The following GTF3C3 variants were observed in gnomAD, a reference collection of about 807,000 sequenced individuals.
The protein encoded by GTF3C3 is general transcription factor IIIC subunit 3.
GTF3C3 carries 75 observed loss-of-function variants against 105.2 expected under a neutral mutation model. The ratio of observed to expected loss-of-function variants is 0.71; its 90% CI spans 0.59 to 0.86. The LOEUF is 0.86. GTF3C3 is among the 40% of genes least tolerant of loss of function. The pLI is 0.00. For missense variants in GTF3C3, 856 were observed against 1,076.5 expected, an observed-to-expected ratio of 0.80 and a Z score of 2.87; for synonymous variants, 335 against 370.4, an observed-to-expected ratio of 0.90 and a Z score of 1.10.
intron 14 of GTF3C3, among the ~76,000 whole-genome samples, chr2:196,772,637 A>ACTT (rs1302338306): frequency 6.6e-6 from 1 of 152,190 alleles, no homozygotes; most frequent in Non-Finnish European, 1.5e-5. Context: ...TAACCCTATG[A>ACTT]GATGGCAGTA....
chr2:196,780,243 C>A, intron 9 of GTF3C3: 1 of 993,628 alleles, frequency 1.0e-6, no homozygotes, highest in Non-Finnish European at 1.2e-6. Flanking sequence ...TATACTTGGT[C>A]CAAAGTCCGC....
At chr2:196,770,379 G>C (rs1699150699) in intron 15 of GTF3C3, among the ~76,000 whole-genome samples, 1 of 152,146 alleles carries the variant, frequency 6.6e-6, no homozygotes, top group African/African-American at 2.4e-5. Context: ...AGTTTGAAAA[G>C]AATGGAGGAG....
rs1699451112 is a variant in GTF3C3, at chr2:196,786,252, C to G, written c.894-664G>C. 1.3e-5 allele frequency among the ~76,000 whole-genome samples: 2 copies of G among 152,130 alleles called. No individual in the cohort carries two copies. The highest frequency in any genetic ancestry group is 1.3e-4 in the Admixed American group (2 of 15,260). On this transcript the variant is annotated intron_variant, in intron 6 of 17. Coordinates refer to ENST00000263956, the MANE Select transcript of GTF3C3 (RefSeq NM_012086.5). The surrounding 1 kb of genome is among the most constrained non-coding windows in gnomAD (Gnocchi z 4.2). ...AAACGCATATTCGGATCCAGTAGAG[C>G]TGGGGCAGGCCTGAGATCCTGCATT...
intron 2 of GTF3C3, among the ~76,000 whole-genome samples, chr2:196,796,803 A>T (rs1407218469): frequency 6.6e-6 from 1 of 152,210 alleles, no homozygotes; most frequent in Non-Finnish European, 1.5e-5. Flanking sequence ...TTTGCTGAGG[A>T]TAACGGCTTC....
At position 196,799,330 on chromosome 2, in the gene GTF3C3, G is replaced by A. The variant is rs1411998263; in HGVS notation, c.102+180C>T. 7 of 551,008 alleles carry A rather than the reference G, an allele frequency of 1.3e-5. No individual in the cohort carries two copies. The African/African-American group carries it at 1.3e-4, about 11-fold the overall frequency. 34.1% of individuals were successfully genotyped at this position (551,008 alleles called of 1,614,324 possible). A position where few individuals can be genotyped will look rare whatever the true frequency, so the allele number is the denominator to read the frequency against. ...CGAAAGCTTTTCGGTGGGGGAAAAC[G>A]TTTTAAGGAGCTTAGCACAGGGATG... On this transcript the variant is annotated intron_variant, in intron 1 of 17. Coordinates refer to ENST00000263956, the MANE Select transcript of GTF3C3 (RefSeq NM_012086.5).
chr2:196,785,212 T>C (rs899666543), intron 7 of GTF3C3, among the ~76,000 whole-genome samples: 3 of 139,536 alleles, frequency 2.1e-5, no homozygotes, highest in Admixed American at 6.8e-5. Flanking sequence ...TGAGTCCTAC[T>C]ACCCTGAAGT....
chr2:196,799,430 A>G, intron 1 of GTF3C3, 80 bp downstream of exon 1: 2 of 1,027,880 alleles, frequency 1.9e-6, no homozygotes, highest in Admixed American at 3.5e-5. Flanking sequence ...ATCACAGTGA[A>G]AGCGGTCGTC....
intron 2 of GTF3C3, among the ~76,000 whole-genome samples, chr2:196,796,669 C>A (rs756039585): frequency 6.6e-6 from 1 of 152,166 alleles, no homozygotes; most frequent in African/African-American, 2.4e-5. Flanking sequence ...TCCCGCAACA[C>A]CCCTAATCCA....
At chr2:196,773,583 G>C (rs547717409) in intron 13 of GTF3C3, 2 of 365,518 alleles carry the variant, frequency 5.5e-6, no homozygotes, top group Admixed American at 5.3e-5. Context: ...GATGGTTTCA[G>C]GATAATTCAA....
At chr2:196,789,502 T>A in intron 5 of GTF3C3, 133 bp from the exon 6 acceptor site, 1 of 615,656 alleles carries the variant, frequency 1.6e-6, no homozygotes, top group Non-Finnish European at 2.8e-6. Flanking sequence ...TCTGAATAAA[T>A]CTATATTCAC....
intron 6 of GTF3C3, among the ~76,000 whole-genome samples, chr2:196,788,025 C>T (rs1699481935): frequency 6.6e-6 from 1 of 152,196 alleles, no homozygotes; most frequent in Non-Finnish European, 1.5e-5. Context: ...TCATAGGCCA[C>T]CTAACATTTC....
chr2:196,775,204 A>C lies in GTF3C3; in HGVS notation c.1743T>G (p.Ser581=), dbSNP rs1400788114. The C allele has an allele frequency of 5.6e-6, 9 of 1,611,780 alleles. No individual in the cohort carries two copies. The Admixed American group carries it at 1.5e-4, about 27-fold the overall frequency. ...AQVCLISSSK[S]GERHLYLIKV... ...TAATAAGATAAAGATGCCTCTCTCC[A>C]GACTTGGAACTGGATATCAAACAAA... is the stretch of plus-strand genomic sequence containing the variant. Residue 581 remains serine (S), a synonymous_variant, in exon 13 of 18, where the codon TCT becomes TCG. Coordinates refer to ENST00000263956, the MANE Select transcript of GTF3C3 (RefSeq NM_012086.5).
chr2:196,776,423 C>T lies in GTF3C3; in HGVS notation c.1593+4G>A. On this transcript the variant is annotated splice_donor_region_variant and intron_variant, in intron 11 of 17. Coordinates refer to ENST00000263956, the MANE Select transcript of GTF3C3 (RefSeq NM_012086.5). The surrounding 1 kb of genome is among the most constrained non-coding windows in gnomAD (Gnocchi z 4.5). ...AAAACTTCCCTCTATGTGACATGGC[C>T]CACCTGCTGTGCAGCATTTGCATCC... 7 of 1,611,016 alleles carry T rather than the reference C, an allele frequency of 4.3e-6. No individual in the cohort carries two copies. The highest frequency in any genetic ancestry group is 1.7e-5 in the Admixed American group (1 of 59,950).
intron 2 of GTF3C3, among the ~76,000 whole-genome samples, chr2:196,797,121 G>A (rs1303950894): frequency 1.3e-5 from 2 of 152,210 alleles, no homozygotes; most frequent in Non-Finnish European, 1.5e-5. Context: ...CTAACTGACA[G>A]TTTAGCATCC....
Position 196,789,948 on chromosome 2 carries a change from A to C in GTF3C3, c.658T>G (p.Trp220Gly), listed in dbSNP as rs767316803. The change falls in exon 5 of 18, where the codon TGG becomes GGG. Residue 220 changes from tryptophan (W) to glycine (G), a missense_variant. Trp to Gly is a radical substitution (Grantham distance 184). This residue lies in a region of GTF3C3 where 605 missense variants were observed against 833.6 expected (regional missense o/e 0.73). Coordinates refer to ENST00000263956, the MANE Select transcript of GTF3C3 (RefSeq NM_012086.5). ...AGAGACATTTCTGCCAGTCTAACCC[A>C]TTCTTCTGTGTCACTGGGATTTAAA... is the stretch of plus-strand genomic sequence containing the variant. ...AHLNPSDTEE[W>G]VRLAEMSLEQ... The C allele has an allele frequency of 1.2e-6, 2 of 1,613,550 alleles. No homozygotes were observed. Among genetic ancestry groups the C allele is most frequent in the Non-Finnish European group, 1.7e-6 (2 of 1,179,630 alleles).
At chr2:196,780,698 G>T in intron 8 of GTF3C3, 36 bp from the exon 9 acceptor site, 1 of 1,593,732 alleles carries the variant, frequency 6.3e-7, no homozygotes, top group Non-Finnish European at 8.6e-7. Context: ...GTTACTATAT[G>T]CAAGCTTGAG....
intron 9 of GTF3C3, 97 bp from the exon 10 acceptor site, chr2:196,779,164 G>A: frequency 1.1e-6 from 1 of 942,270 alleles, no homozygotes; most frequent in Non-Finnish European, 1.6e-6. Context: ...GTCTCTCCCT[G>A]TCACCCACGC....
rs1699033065 is a variant in GTF3C3, at chr2:196,764,818, T to A, written c.2539-133A>T. 6 of 621,120 alleles carry A rather than the reference T, an allele frequency of 9.7e-6. No homozygotes were observed. The South Asian group carries it at 1.1e-4, about 11-fold the overall frequency. The allele number at this position is 621,120 out of a possible 1,614,324, so 38.5% of individuals were successfully genotyped here. On this transcript the variant is annotated intron_variant, in intron 17 of 17. Coordinates refer to ENST00000263956, the MANE Select transcript of GTF3C3 (RefSeq NM_012086.5). ...TAAAGCTCATGTACTAAAAAAAAATTATAAAACTATGCATATACCTTGGAT... is the reference window on the plus strand; with the variant it reads ...TAAAGCTCATGTACTAAAAAAAAATAATAAAACTATGCATATACCTTGGAT...
chr2:196,766,620 T>C lies in GTF3C3; in HGVS notation c.2483A>G (p.His828Arg). 6.2e-7 allele frequency: 1 copy of C among 1,613,202 alleles called. No homozygotes were observed. Among genetic ancestry groups the C allele is most frequent in the Non-Finnish European group, 8.5e-7 (1 of 1,179,316 alleles). The change falls in exon 17 of 18, where the codon CAT (histidine) becomes CGT (arginine). Residue 828 changes from histidine to arginine, a missense_variant. This residue lies in a region of GTF3C3 where 134 missense variants were observed against 128.9 expected (regional missense o/e 1.04). Coordinates refer to ENST00000263956, the MANE Select transcript of GTF3C3 (RefSeq NM_012086.5). ...GRGLHQLGLI[H>R]LAIHYYQKAL... ...CTTCTGATAATAGTGGATTGCAAGA[T>C]GAATCAGCCCCAACTGATGAAGGCC...
Sources: gnomAD v4.1 joint callset for allele counts (sites outside exome capture counted in the v4.1 genomes callset) on GRCh38, gnomAD v4.1.1 for gene constraint, gnomAD v4.1.1 regional missense constraint, Gnocchi (gnomAD v3.1) non-coding constraint, MANE v1.5 for transcripts, NCBI Gene and HGNC (gene_info 2026-07-23, HGNC 2026-07-21) for gene names.